The following ATPAF1 variants were observed in gnomAD, a reference collection of about 807,000 sequenced individuals.
The protein encoded by ATPAF1 is ATP synthase mitochondrial F1 complex assembly factor 1.
A neutral mutation model predicts 43.9 loss-of-function variants in ATPAF1; 26 were observed. That is an observed-to-expected ratio of 0.59 (90% CI 0.43 to 0.82). The LOEUF (loss-of-function observed/expected upper bound fraction) is 0.82. Ranked by LOEUF, ATPAF1 falls within the 40% of genes least tolerant of loss-of-function variation. The pLI is 0.00. For missense variants in ATPAF1, 366 were observed against 435.0 expected, an observed-to-expected ratio of 0.84 and a Z score of 1.41; for synonymous variants, 157 against 168.0, an observed-to-expected ratio of 0.93 and a Z score of 0.50.
chr1:46,635,392 T>C (rs1675818565), exon 9 of ATPAF1: 2 of 183,508 alleles, frequency 1.1e-5, no homozygotes, highest in East Asian at 1.4e-4. Flanking sequence ...TTCAAGCTTA[T>C]TATCCTGTCA....
Sources: allele counts gnomAD v4.1 joint callset, GRCh38; gene constraint gnomAD v4.1.1; transcripts MANE v1.5; gene names NCBI Gene and HGNC (gene_info 2026-07-23, HGNC 2026-07-21).